The following TRAPPC11 variants were observed in gnomAD, a reference collection of about 807,000 sequenced individuals.
TRAPPC11 encodes foie gras homolog.
TRAPPC11 carries 104 observed loss-of-function variants against 151.2 expected under a neutral mutation model. That is an observed-to-expected ratio of 0.69 (90% CI 0.59 to 0.81). The LOEUF (loss-of-function observed/expected upper bound fraction) is 0.81, where lower values mean the gene tolerates loss of function less well. Ranked by LOEUF, TRAPPC11 falls within the 30% of genes least tolerant of loss-of-function variation. TRAPPC11 has a pLI of 0.00. For missense variants in TRAPPC11, 1,230 were observed against 1,349.6 expected (o/e 0.91, Z 1.39); for synonymous variants, 456 against 472.3 (o/e 0.97, Z 0.45).
At chr4:183,686,893 C>T in intron 18 of TRAPPC11, 145 bp downstream of exon 18, 1 of 959,122 alleles carries the variant, frequency 1.0e-6, no homozygotes, top group Non-Finnish European at 1.5e-6. Context: ...AAAAATATAT[C>T]TCCAGGGCCG....
chr4:183,713,546 T>C lies in TRAPPC11; in HGVS notation c.*902T>C, dbSNP rs1737424479. On this transcript the variant is annotated 3_prime_UTR_variant, in exon 30 of 30. Transcript: ENST00000334690. ...TTTATTATTCAAAAGGTGGAGGCAT[T>C]GTAAAAAGGAAATAGTGATGTAAAT... 6.6e-6 allele frequency: 1 copy of C among 152,644 alleles called. No individual in the cohort carries two copies. Among genetic ancestry groups the C allele is most frequent in the Non-Finnish European group, 1.5e-5 (1 of 68,032 alleles). The allele number at this position is 152,644 out of a possible 1,614,324, so 9.5% of individuals were successfully genotyped here. A position where few individuals can be genotyped will look rare whatever the true frequency, so the allele number is the denominator to read the frequency against.
At chr4:183,669,448 C>T (rs890914632) in intron 5 of TRAPPC11, among the ~76,000 whole-genome samples, 1 of 152,162 alleles carries the variant, frequency 6.6e-6, no homozygotes, top group Non-Finnish European at 1.5e-5. Flanking sequence ...ATTCACAGTG[C>T]TGTTCCTTGT....
Position 183,666,410 on chromosome 4 carries a change from A to G in TRAPPC11, c.358A>G (p.Arg120Gly), listed in dbSNP as rs376462004. Residue 120 changes from arginine to glycine, a missense_variant, in exon 3 of 30, where the codon AGA (arginine) becomes GGA (glycine). By Grantham distance (125) the Arg-to-Gly change is moderately radical. Coordinates refer to ENST00000334690, the MANE Select transcript of TRAPPC11 (RefSeq NM_021942.6). The stretch of plus-strand genomic sequence containing the variant: ...AGAAAAGCAGTCTGAGTGCGCCACC[A>G]GAGTGGAAATAGTCAGGTATGATCT... The part of the protein sequence containing the change: ...WKEKQSECAT[R>G]VEIVRQSLQG... The G allele has an allele frequency of 3.7e-6, 6 of 1,613,686 alleles. No individual in the cohort carries two copies. In the African/African-American group the frequency reaches 5.3e-5, roughly 14 times the overall value.
chr4:183,684,734 G>A lies in TRAPPC11; in HGVS notation c.1460G>A (p.Gly487Glu). The change falls in exon 15 of 30, where the codon GGA becomes GAA. Residue 487 changes from glycine to glutamate, a missense_variant. Gly to Glu is a moderately conservative substitution (Grantham distance 98). Coordinates refer to ENST00000334690, the MANE Select transcript of TRAPPC11 (RefSeq NM_021942.6). ...DYVMCDYRSE[G>E]WWTLLTSVLT... ...GTGATGTGTGATTATCGGAGTGAAG[G>A]ATGGTGGACTCTGCTCACTTCTGTA... 2 of 1,613,998 alleles carry A rather than the reference G, an allele frequency of 1.2e-6. No individual in the cohort carries two copies. Among genetic ancestry groups the A allele is most frequent in the African/African-American group, 1.3e-5 (1 of 75,034 alleles).
At chr4:183,664,899 A>T (rs902124330) in intron 2 of TRAPPC11, among the ~76,000 whole-genome samples, 4 of 151,924 alleles carry the variant, frequency 2.6e-5, no homozygotes, top group Non-Finnish European at 4.4e-5. Flanking sequence ...TATTTATTAA[A>T]AATGTAGATT....
At chr4:183,683,781 T>C in intron 11 of TRAPPC11, 194 bp from the exon 12 acceptor site, 1 of 586,170 alleles carries the variant, frequency 1.7e-6, no homozygotes. Context: ...CTCAATAATG[T>C]TCCCATCAGA....
chr4:183,661,039 T>A (rs1734481319), intron 1 of TRAPPC11, among the ~76,000 whole-genome samples: 1 of 151,952 alleles, frequency 6.6e-6, no homozygotes, highest in Admixed American at 6.6e-5. Flanking sequence ...TTTTCATTCC[T>A]ACATTACCCA....
chr4:183,699,943 GCCTCTC>G (rs1228478243), intron 25 of TRAPPC11, among the ~76,000 whole-genome samples: 2 of 151,874 alleles, frequency 1.3e-5, no homozygotes, highest in East Asian at 3.9e-4. Context: ...TCCTGCCTCA[GCCTCTC>G]CGAGTAGCTG....
chr4:183,665,303 C>T (rs946580289), intron 2 of TRAPPC11, among the ~76,000 whole-genome samples: 3 of 151,910 alleles, frequency 2.0e-5, no homozygotes, highest in African/African-American at 4.8e-5. Context: ...ACCGTGTTAG[C>T]CAGGATGGTC....
chr4:183,684,869 C>CA, intron 15 of TRAPPC11, 28 bp downstream of exon 15: 1 of 1,589,868 alleles, frequency 6.3e-7, no homozygotes, highest in Non-Finnish European at 8.6e-7. Context: ...GAGTAAAATT[C>CA]TTGATACATA....
intron 25 of TRAPPC11, 51 bp downstream of exon 25, chr4:183,697,886 T>C (rs1409761111): frequency 5.4e-6 from 8 of 1,476,848 alleles, no homozygotes; most frequent in South Asian, 1.2e-5. Flanking sequence ...TGCGCGCGTG[T>C]GTGTGTGTGT....
intron 3 of TRAPPC11, 110 bp from the exon 4 acceptor site, chr4:183,666,950 T>C: frequency 1.2e-6 from 1 of 844,682 alleles, no homozygotes; most frequent in Non-Finnish European, 1.8e-6. Flanking sequence ...CTTGGTTTTT[T>C]TAGTTGAAAT....
intron 27 of TRAPPC11, 91 bp downstream of exon 27, chr4:183,705,161 T>G: frequency 1.0e-6 from 1 of 956,638 alleles, no homozygotes; most frequent in East Asian, 2.6e-5. Flanking sequence ...ACATTCTATT[T>G]AGAAAGTTTT....
rs754687069 is a variant in TRAPPC11, at chr4:183,685,166, T to C, written c.1629+21T>C. On this transcript the variant is annotated intron_variant, in intron 16 of 29. Coordinates refer to ENST00000334690, the MANE Select transcript of TRAPPC11 (RefSeq NM_021942.6). ...TAATGGTAGGTTGGAATTGTTTATATAGAGTGTGTTATTAGGAATATGTGT... is the reference window on the plus strand; with the variant it reads ...TAATGGTAGGTTGGAATTGTTTATACAGAGTGTGTTATTAGGAATATGTGT... 1.9e-5 allele frequency: 30 copies of C among 1,612,850 alleles called. 1 individual carries two copies. The Middle Eastern group carries it at 1.8e-3, about 98-fold the overall frequency.
chr4:183,667,857 A>G (rs1734960786), intron 4 of TRAPPC11, 146 bp from the exon 5 acceptor site: 1 of 657,246 alleles, frequency 1.5e-6, no homozygotes, highest in Non-Finnish European at 2.7e-6. Context: ...AGAGCTCTCA[A>G]GGAGCCCAGG....
intron 23 of TRAPPC11, 115 bp downstream of exon 23, chr4:183,694,838 GT>G: frequency 9.7e-7 from 1 of 1,034,852 alleles, no homozygotes; most frequent in African/African-American, 1.7e-5. Flanking sequence ...CTTATAGTCT[GT>G]TATAAATTTT....
intron 9 of TRAPPC11, 62 bp downstream of exon 9, chr4:183,679,548 G>C: frequency 7.0e-7 from 1 of 1,422,704 alleles, no homozygotes. Context: ...TGGAGAAATA[G>C]CATGGACTTT....
chr4:183,685,685 T>A (rs1162897648), intron 17 of TRAPPC11, among the ~76,000 whole-genome samples: 1 of 152,144 alleles, frequency 6.6e-6, no homozygotes, highest in Non-Finnish European at 1.5e-5. Context: ...ACTGTCTAGG[T>A]AGGTATTTTG....
chr4:183,677,206 CTGTT>C (rs1217968763), intron 7 of TRAPPC11, among the ~76,000 whole-genome samples: 1 of 152,126 alleles, frequency 6.6e-6, no homozygotes, highest in African/African-American at 2.4e-5. Context: ...TTTAAGTTAT[CTGTT>C]TGTTACTGAC....
Sources: gnomAD v4.1 joint callset for allele counts (sites outside exome capture counted in the v4.1 genomes callset) on GRCh38, gnomAD v4.1.1 for gene constraint, MANE v1.5 for transcripts, NCBI Gene and HGNC (gene_info 2026-07-23, HGNC 2026-07-21) for gene names.